The following HECW1 variants were observed in gnomAD, a reference collection of about 807,000 sequenced individuals.
The protein encoded by HECW1 is E3 ubiquitin-protein ligase HECW1.
HECW1 carries 61 observed loss-of-function variants against 182.3 expected under a neutral mutation model. That is an observed-to-expected ratio of 0.33 (90% CI 0.27 to 0.41). The LOEUF (loss-of-function observed/expected upper bound fraction) is 0.41, where lower values mean the gene tolerates loss of function less well. Ranked by LOEUF, HECW1 falls within the 10% of genes least tolerant of loss-of-function variation. The pLI is 1.00. For missense variants in HECW1, 1,739 were observed against 2,108.9 expected, an observed-to-expected ratio of 0.82 and a Z score of 3.44; for synonymous variants, 859 against 832.6, an observed-to-expected ratio of 1.03 and a Z score of -0.55.
intron 14 of HECW1, 152 bp downstream of exon 14, chr7:43,463,951 C>G: frequency 1.2e-6 from 1 of 804,978 alleles, no homozygotes; most frequent in Non-Finnish European, 1.9e-6. Context: ...ATGCCTGGTG[C>G]CCGCAAGGGA....
At chr7:43,345,891 T>G (rs1036611003) in intron 5 of HECW1, among the ~76,000 whole-genome samples, 1 of 151,932 alleles carries the variant, frequency 6.6e-6, no homozygotes, top group Non-Finnish European at 1.5e-5. Context: ...AGCCACTTGT[T>G]GATTGATGGG....
chr7:43,482,201 A>G (rs1395351440), intron 17 of HECW1, among the ~76,000 whole-genome samples: 3 of 152,152 alleles, frequency 2.0e-5, no homozygotes, highest in Non-Finnish European at 4.4e-5. Flanking sequence ...AGAGGCAGAG[A>G]GTATCTGATC....
intron 3 of HECW1, among the ~76,000 whole-genome samples, chr7:43,282,221 C>T (rs1390761599): frequency 1.3e-5 from 2 of 152,210 alleles, no homozygotes; most frequent in Non-Finnish European, 2.9e-5. Context: ...ATGGGCAAAC[C>T]CAGTTCAGTG....
intron 26 of HECW1, among the ~76,000 whole-genome samples, chr7:43,549,435 A>G (rs1239596306): frequency 2.0e-5 from 3 of 152,244 alleles, no homozygotes; most frequent in African/African-American, 4.8e-5. Context: ...TCTTTAAACC[A>G]GTAACTAAGT....
intron 5 of HECW1, among the ~76,000 whole-genome samples, chr7:43,339,486 A>G (rs888079786): frequency 1.3e-5 from 2 of 152,190 alleles, no homozygotes; most frequent in Non-Finnish European, 2.9e-5. Flanking sequence ...ATTTTCTGGC[A>G]AAGGCTGTAC....
chr7:43,331,427 A>G (rs1400836793), intron 5 of HECW1, among the ~76,000 whole-genome samples: 1 of 151,316 alleles, frequency 6.6e-6, no homozygotes, highest in African/African-American at 2.4e-5. Context: ...CATCTCTACT[A>G]AAAAAAATAC....
intron 21 of HECW1, among the ~76,000 whole-genome samples, chr7:43,502,086 G>T (rs2079386199): frequency 6.6e-6 from 1 of 152,108 alleles, no homozygotes; most frequent in Non-Finnish European, 1.5e-5. Context: ...CTAAATTGTT[G>T]CATTCCAAAG....
At chr7:43,263,634 C>A (rs1041419382) in intron 3 of HECW1, among the ~76,000 whole-genome samples, 1 of 152,230 alleles carries the variant, frequency 6.6e-6, no homozygotes, top group East Asian at 1.9e-4. Flanking sequence ...GCTGGGATTA[C>A]AGGCATAAGC....
At chr7:43,166,168 C>G (rs1371627835) in intron 2 of HECW1, among the ~76,000 whole-genome samples, 1 of 152,216 alleles carries the variant, frequency 6.6e-6, no homozygotes, top group East Asian at 1.9e-4. Flanking sequence ...ACTGCAACCT[C>G]TGCCTCCTGG....
chr7:43,298,780 T>G (rs78019282), intron 3 of HECW1, among the ~76,000 whole-genome samples: 1,998 of 152,312 alleles, frequency 0.013, 18 homozygotes, highest in Middle Eastern at 0.024. Flanking sequence ...CTCGCTGCAA[T>G]GAGCTGGTCT....
chr7:43,479,809 A>G, intron 17 of HECW1, 65 bp downstream of exon 17: 2 of 1,585,874 alleles, frequency 1.3e-6, no homozygotes, highest in South Asian at 2.2e-5. Context: ...CCATGGGAGC[A>G]GAACAGTTCT....
intron 17 of HECW1, among the ~76,000 whole-genome samples, chr7:43,479,974 C>T (rs1441134372): frequency 1.3e-5 from 2 of 152,192 alleles, no homozygotes; most frequent in African/African-American, 4.8e-5. Context: ...ACAATCACCA[C>T]TACTAAAAAC....
chr7:43,280,552 G>T (rs944116886), intron 3 of HECW1, among the ~76,000 whole-genome samples: 5 of 152,160 alleles, frequency 3.3e-5, no homozygotes, highest in Non-Finnish European at 5.9e-5. Flanking sequence ...CTGGTGAGCA[G>T]AAATACAAGG....
At chr7:43,211,681 T>TC (rs1161614200) in intron 2 of HECW1, among the ~76,000 whole-genome samples, 1 of 152,140 alleles carries the variant, frequency 6.6e-6, no homozygotes, top group Non-Finnish European at 1.5e-5. Context: ...AGGGGGGCGT[T>TC]CCCCCTTGCC....
chr7:43,223,975 C>G (rs577248999), intron 2 of HECW1, among the ~76,000 whole-genome samples: 16 of 152,208 alleles, frequency 1.1e-4, no homozygotes, highest in Non-Finnish European at 1.9e-4. Flanking sequence ...CAACAGCCTC[C>G]CATCCCCTCT....
At chr7:43,339,718 G>T (rs1397917251) in intron 5 of HECW1, among the ~76,000 whole-genome samples, 2 of 152,130 alleles carry the variant, frequency 1.3e-5, no homozygotes, top group African/African-American at 4.8e-5. Flanking sequence ...GGCAGTTGGG[G>T]TGCTGATGGC....
intron 8 of HECW1, among the ~76,000 whole-genome samples, chr7:43,415,849 G>A (rs1172217176): frequency 1.0e-4 from 14 of 135,616 alleles, no homozygotes; most frequent in Admixed American, 3.0e-4. Context: ...CATTCTTCAC[G>A]TAGTTCTCGA....
At chr7:43,370,737 A>G (rs1308355415) in intron 6 of HECW1, among the ~76,000 whole-genome samples, 1 of 152,216 alleles carries the variant, frequency 6.6e-6, no homozygotes, top group Non-Finnish European at 1.5e-5. Flanking sequence ...TACTAAGTGA[A>G]AGAAGCCAAT....
At chr7:43,500,400 A>G (rs895176402) in intron 19 of HECW1, among the ~76,000 whole-genome samples, 3 of 152,212 alleles carry the variant, frequency 2.0e-5, no homozygotes, top group African/African-American at 7.2e-5. Flanking sequence ...GCCCCGCCCC[A>G]GAACAGTCTT....
Sources: gnomAD v4.1 joint callset for allele counts (sites outside exome capture counted in the v4.1 genomes callset) on GRCh38, gnomAD v4.1.1 for gene constraint, MANE v1.5 for transcripts, NCBI Gene and HGNC (gene_info 2026-07-23, HGNC 2026-07-21) for gene names.